The following JARID2 variants were observed in gnomAD, a reference collection of about 807,000 sequenced individuals.
JARID2 encodes the protein protein Jumonji.
In JARID2, 21 loss-of-function variants were observed where a neutral mutation model predicts 125.6. That is an observed-to-expected ratio of 0.17 (90% confidence interval 0.12 to 0.24). The LOEUF (loss-of-function observed/expected upper bound fraction) is 0.24. JARID2 is among the 10% of genes least tolerant of loss of function. The pLI is 1.00. For missense variants in JARID2, 1,303 were observed against 1,639.6 expected (o/e 0.79, Z 3.55); for synonymous variants, 736 against 661.6 (o/e 1.11, Z -1.73).
At chr6:15,423,201 T>C (rs1334537216) in intron 3 of JARID2, among the ~76,000 whole-genome samples, 2 of 152,092 alleles carry the variant, frequency 1.3e-5, no homozygotes, top group African/African-American at 2.4e-5. Context: ...GTTTTCACCA[T>C]GTTGCTCAGG....
chr6:15,471,505 C>T (rs1014486711), intron 5 of JARID2, among the ~76,000 whole-genome samples: 5 of 152,138 alleles, frequency 3.3e-5, no homozygotes, highest in Non-Finnish European at 7.3e-5. Context: ...GGATTGGGTC[C>T]TTTTCATAAG....
chr6:15,503,921 AG>A (rs1293825078), intron 8 of JARID2, among the ~76,000 whole-genome samples: 11 of 152,360 alleles, frequency 7.2e-5, no homozygotes, highest in African/African-American at 2.4e-4. Context: ...ATCGAAGAAG[AG>A]GCGCAGAGGG....
rs1288202368 is a variant in JARID2, at chr6:15,492,898, A to G, written c.907-3234A>G. On this transcript the variant is annotated intron_variant, in intron 6 of 17. Coordinates refer to ENST00000341776, the MANE Select transcript of JARID2 (RefSeq NM_004973.4). The stretch of plus-strand genomic sequence containing the variant: ...GATATCTGGGTGGATACTGTTGAAG[A>G]TAACTCCTATAATAAGAAGGAAAAT... Among the ~76,000 whole-genome samples, 3 of 152,296 alleles carry G rather than the reference A, an allele frequency of 2.0e-5. No homozygotes were observed. In the South Asian group the frequency reaches 6.2e-4, roughly 32 times the overall value.
intron 2 of JARID2, among the ~76,000 whole-genome samples, chr6:15,377,888 C>T (rs1379396027): frequency 1.4e-5 from 2 of 144,806 alleles, no homozygotes; most frequent in African/African-American, 2.6e-5. Flanking sequence ...TTTTCTTCTT[C>T]TTTTTTTTTT....
chr6:15,520,223 C>T lies in JARID2; in HGVS notation c.3713C>T (p.Ser1238Leu), dbSNP rs759455782. The change falls in exon 18 of 18, where the codon TCA becomes TTA. Residue 1238 changes from serine to leucine, a missense_variant. This residue lies in a region of JARID2 where 75 missense variants were observed against 66.0 expected (regional missense o/e 1.14). Coordinates refer to ENST00000341776, the MANE Select transcript of JARID2 (RefSeq NM_004973.4). ...VPPSRLSASS[S>L]SKSASSSS Reference sequence around the variant, plus strand: ...CCCTCCCGTCTGTCAGCCTCCAGTTCATCCAAAAGTGCTTCGAGCTCATCA... The same window carrying T: ...CCCTCCCGTCTGTCAGCCTCCAGTTTATCCAAAAGTGCTTCGAGCTCATCA... The T allele has an allele frequency of 6.2e-7, 1 of 1,611,588 alleles. No homozygotes were observed. Among genetic ancestry groups the T allele is most frequent in the Admixed American group, 1.7e-5 (1 of 59,434 alleles).
Position 15,487,520 on chromosome 6 carries a change from C to T in JARID2, c.884C>T (p.Ser295Leu), listed in dbSNP as rs760762790. The T allele has an allele frequency of 2.4e-5, 39 of 1,609,300 alleles. No homozygotes were observed. The Admixed American group carries it at 2.5e-4, about 10-fold the overall frequency. ...CATCACCACCCCCCTCTGCATCGGT[C>T]GGCTCAGGACTTACGGAAACAGGTA... ...ATHHHPPLHR[S>L]AQDLRKQVSK... The change falls in exon 6 of 18, where the codon TCG (serine) becomes TTG (leucine). Residue 295 changes from serine (S) to leucine (L), a missense_variant. Ser to Leu is a moderately radical substitution (Grantham distance 145). Transcript: ENST00000341776.
chr6:15,264,795 C>T (rs1760022387), intron 1 of JARID2, among the ~76,000 whole-genome samples: 1 of 152,144 alleles, frequency 6.6e-6, no homozygotes, highest in African/African-American at 2.4e-5. Flanking sequence ...CAAAGGCTAA[C>T]GCCACATCCC....
chr6:15,388,245 G>T (rs1208894919), intron 2 of JARID2, among the ~76,000 whole-genome samples: 2 of 151,990 alleles, frequency 1.3e-5, no homozygotes, highest in East Asian at 3.9e-4. Context: ...CCTTTACTTA[G>T]CTTTTGGAAA....
At chr6:15,449,647 G>T (rs1767827568) in intron 3 of JARID2, among the ~76,000 whole-genome samples, 1 of 151,912 alleles carries the variant, frequency 6.6e-6, no homozygotes. Flanking sequence ...CAGCCTGGGT[G>T]CAGTGAGACC....
At chr6:15,411,164 GT>G (rs1765859341) in intron 3 of JARID2, among the ~76,000 whole-genome samples, 1 of 143,872 alleles carries the variant, frequency 7.0e-6, no homozygotes, top group African/African-American at 2.6e-5. Context: ...GAATTTGTTC[GT>G]TTCCGGGATT....
chr6:15,413,023 G>GTTT (rs1349875486), intron 3 of JARID2, among the ~76,000 whole-genome samples: 13 of 68,032 alleles, frequency 1.9e-4, no homozygotes, highest in Non-Finnish European at 2.1e-4. Flanking sequence ...TTTTTTTTTT[G>GTTT]TTTTTTTTTT....
intron 1 of JARID2, among the ~76,000 whole-genome samples, chr6:15,332,935 C>CTTTTTT (rs33921682): frequency 1.5e-3 from 64 of 42,170 alleles, no homozygotes; most frequent in Middle Eastern, 0.021. Context: ...CTTTTCTTTT[C>CTTTTTT]TTTTTTTTTT....
chr6:15,350,402 A>G (rs934741381), intron 1 of JARID2, among the ~76,000 whole-genome samples: 1 of 152,160 alleles, frequency 6.6e-6, no homozygotes, highest in African/African-American at 2.4e-5. Context: ...TGAGCTGGAG[A>G]TGTTAATCAA....
intron 2 of JARID2, chr6:15,401,112 C>T: frequency 7.8e-7 from 1 of 1,286,030 alleles, no homozygotes; most frequent in Non-Finnish European, 1.0e-6. Flanking sequence ...TGTGGGTTTC[C>T]CTGCTGGGGT....
chr6:15,366,521 GGGGGGT>G (rs1763983915), intron 1 of JARID2, among the ~76,000 whole-genome samples: 4 of 141,442 alleles, frequency 2.8e-5, no homozygotes, highest in African/African-American at 1.0e-4. Flanking sequence ...GGGGGGGCGG[GGGGGGT>G]GGGGGGTGGG....
At chr6:15,298,724 T>G (rs1202268581) in intron 1 of JARID2, among the ~76,000 whole-genome samples, 1 of 152,004 alleles carries the variant, frequency 6.6e-6, no homozygotes, top group Non-Finnish European at 1.5e-5. Flanking sequence ...TCTTATGTTT[T>G]GTTAACTTTC....
At chr6:15,308,424 C>A (rs1761908137) in intron 1 of JARID2, among the ~76,000 whole-genome samples, 1 of 152,134 alleles carries the variant, frequency 6.6e-6, no homozygotes, top group African/African-American at 2.4e-5. Context: ...TCAACTCAGC[C>A]TCTCTAAGGA....
intron 1 of JARID2, among the ~76,000 whole-genome samples, chr6:15,339,591 A>G (rs1173409038): frequency 7.3e-6 from 1 of 136,932 alleles, no homozygotes; most frequent in Admixed American, 8.0e-5. Context: ...GCCGGAGTGC[A>G]ATGGTGCGAT....
intron 1 of JARID2, among the ~76,000 whole-genome samples, chr6:15,357,940 A>G (rs1289719316): frequency 1.3e-5 from 2 of 152,136 alleles, no homozygotes; most frequent in African/African-American, 2.4e-5. Context: ...ACTGTTGTCC[A>G]TGTAATTTTG....
Sources: gnomAD v4.1 joint callset for allele counts (sites outside exome capture counted in the v4.1 genomes callset) on GRCh38, gnomAD v4.1.1 for gene constraint, gnomAD v4.1.1 regional missense constraint, MANE v1.5 for transcripts, NCBI Gene and HGNC (gene_info 2026-07-23, HGNC 2026-07-21) for gene names.